GRB2: variants seen among roughly 807,000 people sequenced by gnomAD.
GRB2 encodes the protein growth factor receptor-bound protein 2.
A neutral mutation model predicts 27.4 loss-of-function variants in GRB2; 2 were observed. That is an observed-to-expected ratio of 0.07 (90% confidence interval 0.03 to 0.23). The LOEUF is 0.23. Ranked by LOEUF, GRB2 falls within the 10% of genes least tolerant of loss-of-function variation. The pLI is 1.00. For missense variants in GRB2, 102 were observed against 282.4 expected (o/e 0.36, Z 4.58); for synonymous variants, 94 against 99.6 (o/e 0.94, Z 0.33).
intron 1 of GRB2, chr17:75,394,786 A>G (rs2079020038): frequency 6.6e-6 from 1 of 152,258 alleles, no homozygotes; most frequent in Non-Finnish European, 1.5e-5. Flanking sequence ...CAAGCAGAGT[A>G]TAAAACTGAT....
chr17:75,403,986 G>T (rs1445895275), intron 1 of GRB2, among the ~76,000 whole-genome samples: 1 of 150,174 alleles, frequency 6.7e-6, no homozygotes, highest in Non-Finnish European at 1.5e-5. Flanking sequence ...GGTGGTGGGC[G>T]CCTGTGATCC....
At chr17:75,383,409 A>C (rs780519758) in intron 2 of GRB2, among the ~76,000 whole-genome samples, 14 of 152,216 alleles carry the variant, frequency 9.2e-5, no homozygotes, top group South Asian at 2.1e-4. Flanking sequence ...GGCCACTTTT[A>C]TGCGTAGAGT....
chr17:75,400,037 C>T (rs112598141), intron 1 of GRB2, among the ~76,000 whole-genome samples: 2 of 151,626 alleles, frequency 1.3e-5, no homozygotes, highest in Admixed American at 6.6e-5. Context: ...TGCTCTGTCA[C>T]CCAGTCTGGA....
At chr17:75,355,404 C>G (rs577763171) in intron 2 of GRB2, among the ~76,000 whole-genome samples, 38 of 151,956 alleles carry the variant, frequency 2.5e-4, no homozygotes, top group Non-Finnish European at 5.0e-4. Context: ...ACTCTCTGTC[C>G]CAGTTCTCTC....
chr17:75,390,451 A>T (rs2078991183), intron 2 of GRB2, among the ~76,000 whole-genome samples: 1 of 152,130 alleles, frequency 6.6e-6, no homozygotes, highest in Admixed American at 6.5e-5. Flanking sequence ...GGTGGGAGGA[A>T]TTCTGATGTA....
At chr17:75,355,259 T>C (rs1367909548) in intron 2 of GRB2, among the ~76,000 whole-genome samples, 1 of 152,172 alleles carries the variant, frequency 6.6e-6, no homozygotes, top group Non-Finnish European at 1.5e-5. Context: ...CTCTACTGGA[T>C]TTTTCTAATC....
chr17:75,338,894 T>C (rs2078600294), intron 2 of GRB2: 2 of 846,578 alleles, frequency 2.4e-6, no homozygotes, highest in Non-Finnish European at 2.0e-6. Context: ...CCCCACAAAG[T>C]GACACAGTAC....
intron 2 of GRB2, among the ~76,000 whole-genome samples, chr17:75,364,371 C>A (rs1299031556): frequency 2.0e-5 from 3 of 152,098 alleles, no homozygotes; most frequent in African/African-American, 7.2e-5. Context: ...TTATTATGTA[C>A]CAGAATTCAT....
At chr17:75,378,741 A>T (rs2078910040) in intron 2 of GRB2, among the ~76,000 whole-genome samples, 1 of 152,198 alleles carries the variant, frequency 6.6e-6, no homozygotes, top group South Asian at 2.1e-4. Context: ...GTTCTTCTGT[A>T]CTGGTAACCT....
intron 1 of GRB2, among the ~76,000 whole-genome samples, chr17:75,397,403 C>T (rs2079035285): frequency 6.6e-6 from 1 of 152,162 alleles, no homozygotes; most frequent in Non-Finnish European, 1.5e-5. Context: ...ATGAGAGTAA[C>T]CTCGAAACTG....
intron 2 of GRB2, among the ~76,000 whole-genome samples, chr17:75,353,831 G>A (rs1056492399): frequency 3.3e-5 from 5 of 151,956 alleles, no homozygotes; most frequent in African/African-American, 1.2e-4. Context: ...CTGAGGTCAG[G>A]AGTTCAAGAC....
chr17:75,326,949 T>A (rs527636711), intron 3 of GRB2, among the ~76,000 whole-genome samples: 1 of 152,196 alleles, frequency 6.6e-6, no homozygotes, highest in Non-Finnish European at 1.5e-5. Context: ...GCAAAAGTTA[T>A]AGCAAATAAA....
At chr17:75,326,675 C>A (rs1448185885) in intron 3 of GRB2, among the ~76,000 whole-genome samples, 1 of 152,228 alleles carries the variant, frequency 6.6e-6, no homozygotes, top group Non-Finnish European at 1.5e-5. Context: ...CAGCTAGCTG[C>A]AAAATTCAGA....
At chr17:75,396,274 G>A (rs778442424) in intron 1 of GRB2, among the ~76,000 whole-genome samples, 2 of 150,152 alleles carry the variant, frequency 1.3e-5, no homozygotes, top group Non-Finnish European at 3.0e-5. Flanking sequence ...ACAGGGTCTT[G>A]CACTGTTGTC....
intron 3 of GRB2, among the ~76,000 whole-genome samples, chr17:75,329,489 A>C (rs1226504293): frequency 6.6e-6 from 1 of 151,902 alleles, no homozygotes; most frequent in Admixed American, 6.6e-5. Flanking sequence ...ATTAAAAAAA[A>C]TAAATTGTAG....
At chr17:75,368,219 T>G (rs866512510) in intron 2 of GRB2, among the ~76,000 whole-genome samples, 22 of 150,312 alleles carry the variant, frequency 1.5e-4, no homozygotes, top group African/African-American at 5.4e-4. Flanking sequence ...TCAGCTGTTT[T>G]TTTTTTTTTT....
chr17:75,361,127 G>A (rs1208270501), intron 2 of GRB2, among the ~76,000 whole-genome samples: 1 of 152,040 alleles, frequency 6.6e-6, no homozygotes, highest in African/African-American at 2.4e-5. Flanking sequence ...CTTCCTTCCT[G>A]TATTAAAGGC....
At chr17:75,383,777 G>C (rs924546102) in intron 2 of GRB2, among the ~76,000 whole-genome samples, 3 of 152,112 alleles carry the variant, frequency 2.0e-5, no homozygotes, top group African/African-American at 7.2e-5. Context: ...AGGAGGCAGA[G>C]GTTGCAGTCA....
Position 75,390,526 on chromosome 17 carries a change from G to A in GRB2, c.78+3025C>T, listed in dbSNP as rs536717974. Among the ~76,000 whole-genome samples, 5 of 152,242 alleles carry A rather than the reference G, an allele frequency of 3.3e-5. No individual in the cohort carries two copies. The East Asian group carries it at 9.6e-4, about 29-fold the overall frequency. Reference sequence around the variant, plus strand: ...AATTCCTTCTATTTTACATCCCAGTGTCCTCTCCCTCCCCGAGCCAAGAAA... The same window carrying A: ...AATTCCTTCTATTTTACATCCCAGTATCCTCTCCCTCCCCGAGCCAAGAAA... On this transcript the variant is annotated intron_variant, in intron 2 of 5. Coordinates refer to ENST00000316804, the MANE Select transcript of GRB2 (RefSeq NM_002086.5).
Sources: allele counts gnomAD v4.1 joint callset (sites outside exome capture counted in the v4.1 genomes callset), GRCh38; gene constraint gnomAD v4.1.1; transcripts MANE v1.5; gene names NCBI Gene and HGNC (gene_info 2026-07-23, HGNC 2026-07-21).